The following TTI2 variants were observed in gnomAD, a reference collection of about 807,000 sequenced individuals.
The protein encoded by TTI2 is TELO2 interacting protein 2.
In TTI2, 26 loss-of-function variants were observed where a neutral mutation model predicts 44.9. That is an observed-to-expected ratio of 0.58 (90% CI 0.42 to 0.80). The LOEUF is 0.80. Among genes scored for constraint, TTI2 ranks in the 30% least tolerant of loss-of-function variants. TTI2 has a pLI of 0.00. For synonymous variants in TTI2, 254 were observed against 250.9 expected (o/e 1.01, Z -0.12); for missense variants, 582 against 611.6 (o/e 0.95, Z 0.51).
In TTI2 at chr8:33,499,096, T is replaced by C; in HGVS notation, c.*77A>G. 8.0e-7 allele frequency: 1 copy of C among 1,257,336 alleles called. No homozygotes were observed. 77.9% of individuals were successfully genotyped at this position (1,257,336 alleles called of 1,614,324 possible). ...TACAAAGTTTCGTGTAAAAATATCT[T>C]TTTTTCTTAAATAACTCCATTCATA... On this transcript the variant is annotated 3_prime_UTR_variant, in exon 8 of 8. Coordinates refer to ENST00000431156, the MANE Select transcript of TTI2 (RefSeq NM_001102401.4).
At chr8:33,510,316 C>T (rs1345999549) in intron 2 of TTI2, among the ~76,000 whole-genome samples, 3 of 152,222 alleles carry the variant, frequency 2.0e-5, no homozygotes, top group South Asian at 2.1e-4. Flanking sequence ...ACCTGTTAAT[C>T]GCTAATAAAG....
chr8:33,501,301 A>G (rs1373485959), intron 6 of TTI2: 2 of 152,128 alleles, frequency 1.3e-5, no homozygotes, highest in Admixed American at 6.6e-5. Context: ...CTCTATCTAA[A>G]TACTCCTCAT....
intron 6 of TTI2, among the ~76,000 whole-genome samples, chr8:33,502,522 T>C (rs1262312781): frequency 6.6e-6 from 1 of 151,904 alleles, no homozygotes; most frequent in Non-Finnish European, 1.5e-5. Context: ...AACACCAATC[T>C]AAACCATTCT....
chr8:33,507,037 C>G (rs530946776), intron 4 of TTI2, among the ~76,000 whole-genome samples, 192 bp downstream of exon 4: 99 of 152,276 alleles, frequency 6.5e-4, no homozygotes, highest in Admixed American at 1.0e-3. Flanking sequence ...AAAACACTGT[C>G]TTATCTGTGG....
At position 33,512,593 on chromosome 8, in the gene TTI2, C is replaced by CA; in HGVS notation, c.20dup (p.Glu8GlyfsTer9). 3.1e-6 allele frequency: 5 copies of CA among 1,613,514 alleles called. No individual in the cohort carries two copies. The highest frequency in any genetic ancestry group is 4.2e-6 in the Non-Finnish European group (5 of 1,180,028). ...TAGAGTCTTCCTGCGATGGGGCTTC[C>CA]AGAGCGCTGTCAAGCTCCATTCCTG... On this transcript the variant is annotated frameshift_variant, in exon 2 of 8. Transcript: ENST00000431156. LOFTEE classifies it high-confidence loss of function.
At chr8:33,506,289 C>T (rs571802413) in intron 4 of TTI2, among the ~76,000 whole-genome samples, 3 of 151,976 alleles carry the variant, frequency 2.0e-5, no homozygotes, top group East Asian at 3.9e-4. Flanking sequence ...ATCTAACATG[C>T]AAGAAGTTTC....
intron 4 of TTI2, among the ~76,000 whole-genome samples, chr8:33,506,863 T>C (rs1231577185): frequency 6.6e-6 from 1 of 151,968 alleles, no homozygotes; most frequent in Admixed American, 6.6e-5. Flanking sequence ...CGGCTAATTT[T>C]TTTGTATTTT....
chr8:33,507,939 T>C (rs985721532), intron 3 of TTI2, among the ~76,000 whole-genome samples: 4 of 145,524 alleles, frequency 2.7e-5, no homozygotes, highest in African/African-American at 1.0e-4. Flanking sequence ...CAGTGAGCTA[T>C]GATTGTGCCA....
rs1808968316 is a variant in TTI2 at position 33,499,211 on chromosome 8, G to T, written c.1489C>A (p.Gln497Lys). The stretch of plus-strand genomic sequence containing the variant: ...TAGGGTGCGCCTTCAGAAACCTGCT[G>T]CACTTTTCTGATATAGTTCACCACT... ...RKVVNYIRKVQQVSEGAPYNG... is the reference protein window; with the variant it reads ...RKVVNYIRKVKQVSEGAPYNG... Residue 497 changes from glutamine to lysine, a missense_variant, in exon 8 of 8, where the codon CAG (glutamine) becomes AAG (lysine). Physicochemically the swap from Gln to Lys is moderately conservative, Grantham distance 53 (BLOSUM62 1). Transcript: ENST00000431156. 1.9e-6 allele frequency: 3 copies of T among 1,614,006 alleles called. No individual in the cohort carries two copies. In the Admixed American group the frequency reaches 5.0e-5, roughly 27 times the overall value.
At chr8:33,510,029 G>A in intron 2 of TTI2, 97 bp from the exon 3 acceptor site, 1 of 958,268 alleles carries the variant, frequency 1.0e-6, no homozygotes, top group Non-Finnish European at 1.5e-6. Flanking sequence ...GTATTTTCAT[G>A]TCTTTGAAAA....
rs1306487105 is a variant in TTI2 at position 33,512,339 on chromosome 8, T to C, written c.275A>G (p.Tyr92Cys). 5 of 1,614,094 alleles carry C rather than the reference T, an allele frequency of 3.1e-6. No homozygotes were observed. Among genetic ancestry groups the C allele is most frequent in the Non-Finnish European group, 4.2e-6 (5 of 1,180,050 alleles). ...TTCCTCCTCCTTGGAGGGGGCTGCA[T>C]ACTTCTCCAGGGCTTTTGCTACCTG... Reference protein sequence around the residue: ...LGQVAKALEKYAAPSKEEEGG... With the variant: ...LGQVAKALEKCAAPSKEEEGG... Residue 92 changes from tyrosine (Y) to cysteine (C), a missense_variant, in exon 2 of 8, where the codon TAT becomes TGT. By Grantham distance (194) the Tyr-to-Cys change is radical. Coordinates refer to ENST00000431156, the MANE Select transcript of TTI2 (RefSeq NM_001102401.4).
At chr8:33,508,749 C>CA (rs774452733) in intron 3 of TTI2, among the ~76,000 whole-genome samples, 1 of 151,290 alleles carries the variant, frequency 6.6e-6, no homozygotes, top group Non-Finnish European at 1.5e-5. Flanking sequence ...CTCCATAGTA[C>CA]AAAGTTTTTT....
At position 33,503,746 on chromosome 8, in the gene TTI2, A is replaced by G. The variant is rs1563352011; in HGVS notation, c.1115+2T>C. The G allele has an allele frequency of 1.1e-5, 17 of 1,613,394 alleles. No homozygotes were observed. The highest frequency in any genetic ancestry group is 1.8e-4 in the Middle Eastern group (1 of 5,680). ...ATAATAAATAAAAGCCCAGGGCCTC[A>G]CCTGTTCACGAAAGCCGGCAGGTTT... On this transcript the variant is annotated splice_donor_variant, in intron 5 of 7. Coordinates refer to ENST00000431156, the MANE Select transcript of TTI2 (RefSeq NM_001102401.4). LOFTEE classifies it high-confidence loss of function.
At position 33,512,761 on chromosome 8, in the gene TTI2, A is replaced by C. The variant is rs971784014; in HGVS notation, c.-99-49T>G. ...GAGAGATGTCTTGGAGGAGGGGGCGAGTCTGACCGGGATAAGAATAAAGAG... is the reference window on the plus strand; with the variant it reads ...GAGAGATGTCTTGGAGGAGGGGGCGCGTCTGACCGGGATAAGAATAAAGAG... On this transcript the variant is annotated intron_variant, in intron 1 of 7. Coordinates refer to ENST00000431156, the MANE Select transcript of TTI2 (RefSeq NM_001102401.4). The C allele has an allele frequency of 5.6e-6, 5 of 898,688 alleles. No homozygotes were observed. In the Admixed American group the frequency reaches 1.1e-4, roughly 20 times the overall value. 55.7% of individuals were successfully genotyped at this position (898,688 alleles called of 1,614,324 possible). A position where few individuals can be genotyped will look rare whatever the true frequency, so the allele number is the denominator to read the frequency against.
At chr8:33,506,052 T>C (rs989961286) in intron 4 of TTI2, among the ~76,000 whole-genome samples, 1 of 152,212 alleles carries the variant, frequency 6.6e-6, no homozygotes, top group Non-Finnish European at 1.5e-5. Flanking sequence ...CCCAAAATGC[T>C]GGGATTACAG....
intron 1 of TTI2, 165 bp from the exon 2 acceptor site, chr8:33,512,877 T>TAAAAAAAA (rs61291473): frequency 6.4e-5 from 6 of 93,206 alleles, no homozygotes; most frequent in East Asian, 2.3e-4. Context: ...TCCGTCTCAG[T>TAAAAAAAA]AAAAAAAAAA....
At chr8:33,499,413 G>T in intron 7 of TTI2, 136 bp from the exon 8 acceptor site, 1 of 676,436 alleles carries the variant, frequency 1.5e-6, no homozygotes, top group Non-Finnish European at 2.6e-6. Flanking sequence ...TCACTAAGCA[G>T]AATAGGTATT....
chr8:33,503,680 G>A, intron 5 of TTI2, 68 bp downstream of exon 5: 1 of 1,604,906 alleles, frequency 6.2e-7, no homozygotes. Context: ...GAGCTCGAGA[G>A]CAGCTCAAGC....
At chr8:33,509,201 C>G (rs889414173) in intron 3 of TTI2, among the ~76,000 whole-genome samples, 3 of 150,634 alleles carry the variant, frequency 2.0e-5, no homozygotes, top group African/African-American at 7.3e-5. Flanking sequence ...GCCTGTAATC[C>G]CAGCACTTTG....
Sources: allele counts gnomAD v4.1 joint callset (sites outside exome capture counted in the v4.1 genomes callset), GRCh38; gene constraint gnomAD v4.1.1; transcripts MANE v1.5; gene names NCBI Gene and HGNC (gene_info 2026-07-23, HGNC 2026-07-21).